The following COP1 variants were observed in gnomAD, a reference collection of about 807,000 sequenced individuals.
The protein encoded by COP1 is E3 ubiquitin-protein ligase COP1.
Under a neutral mutation model 101.3 loss-of-function variants are expected in COP1, and 24 were observed. The observed-to-expected ratio is 0.24, with a 90% CI of 0.17 to 0.33. The LOEUF is 0.33. COP1 is among the 10% of genes least tolerant of loss of function. The pLI, the probability that COP1 is intolerant of heterozygous loss-of-function variation, is 1.00. For synonymous variants in COP1, 347 were observed against 341.9 expected, an observed-to-expected ratio of 1.01 and a Z score of -0.17; for missense variants, 663 against 906.2, an observed-to-expected ratio of 0.73 and a Z score of 3.45.
chr1:176,177,655 C>A (rs976020255), intron 2 of COP1, among the ~76,000 whole-genome samples: 2 of 152,080 alleles, frequency 1.3e-5, no homozygotes, highest in Admixed American at 6.6e-5. Context: ...CTGTAAAAAT[C>A]ATTCCCACAG....
intron 15 of COP1, among the ~76,000 whole-genome samples, chr1:176,008,025 G>C (rs184196066): frequency 4.1e-4 from 62 of 152,302 alleles, no homozygotes; most frequent in Non-Finnish European, 7.9e-4. Context: ...CTCGGAGCCA[G>C]GTGCGGGATA....
At chr1:176,130,326 A>C (rs1688682770) in intron 8 of COP1, among the ~76,000 whole-genome samples, 1 of 151,798 alleles carries the variant, frequency 6.6e-6, no homozygotes, top group Non-Finnish European at 1.5e-5. Context: ...CCTCTTGATA[A>C]TAAGTAAAAG....
chr1:176,005,267 T>C (rs1388312916), intron 15 of COP1, among the ~76,000 whole-genome samples: 1 of 152,118 alleles, frequency 6.6e-6, no homozygotes, highest in Admixed American at 6.5e-5. Context: ...GTCTTGCTAG[T>C]GGTCTATCAA....
At chr1:176,056,634 G>A (rs757817436) in intron 11 of COP1, among the ~76,000 whole-genome samples, 2 of 151,914 alleles carry the variant, frequency 1.3e-5, no homozygotes, top group Non-Finnish European at 2.9e-5. Context: ...ACTGATTTGT[G>A]GTTTATGTTA....
intron 1 of COP1, among the ~76,000 whole-genome samples, chr1:176,187,325 C>CATATACACATATATACACACATAT (rs1210635665): frequency 6.6e-6 from 1 of 152,070 alleles, no homozygotes; most frequent in East Asian, 1.9e-4. Flanking sequence ...TATACACACA[C>CATATACACATATATACACACATAT]ATATACACAT....
intron 14 of COP1, among the ~76,000 whole-genome samples, chr1:176,034,197 C>T (rs913917051): frequency 2.0e-5 from 3 of 152,142 alleles, no homozygotes; most frequent in African/African-American, 7.2e-5. Flanking sequence ...CATTTTTCCC[C>T]CTCTCTTCTC....
At chr1:176,187,418 T>C (rs1374641292) in intron 1 of COP1, among the ~76,000 whole-genome samples, 1 of 151,986 alleles carries the variant, frequency 6.6e-6, no homozygotes, top group Non-Finnish European at 1.5e-5. Context: ...TGTGTGTGTG[T>C]GTGTGTGTGT....
intron 11 of COP1, among the ~76,000 whole-genome samples, chr1:176,070,354 T>C (rs1676751282): frequency 6.8e-6 from 1 of 147,738 alleles, no homozygotes; most frequent in Non-Finnish European, 1.5e-5. Context: ...TTTTTTTAAC[T>C]TTTTTTTTTA....
chr1:176,016,870 C>T (rs1665756067), intron 15 of COP1, among the ~76,000 whole-genome samples: 1 of 152,000 alleles, frequency 6.6e-6, no homozygotes, highest in African/African-American at 2.4e-5. Flanking sequence ...AAAGAAACTG[C>T]CAGTCTAGGA....
chr1:176,191,268 T>C (rs1214098640), intron 1 of COP1, among the ~76,000 whole-genome samples: 2 of 151,934 alleles, frequency 1.3e-5, no homozygotes, highest in Admixed American at 1.3e-4. Flanking sequence ...TGCTATAATC[T>C]CAGAAGAGTA....
At chr1:176,198,948 C>A (rs1699998926) in intron 1 of COP1, among the ~76,000 whole-genome samples, 1 of 152,064 alleles carries the variant, frequency 6.6e-6, no homozygotes, top group Admixed American at 6.5e-5. Flanking sequence ...GGATGTGAAA[C>A]AATTAAAAAC....
At chr1:176,117,157 G>T (rs955373380) in intron 8 of COP1, among the ~76,000 whole-genome samples, 1 of 152,178 alleles carries the variant, frequency 6.6e-6, no homozygotes, top group Non-Finnish European at 1.5e-5. Flanking sequence ...AAAATGAGGT[G>T]ATGTAGGCTA....
At chr1:176,183,202 A>G (rs1698006248) in intron 2 of COP1, among the ~76,000 whole-genome samples, 1 of 152,240 alleles carries the variant, frequency 6.6e-6, no homozygotes. Flanking sequence ...GATCTTACAG[A>G]CTAGTGTTAA....
Position 176,087,529 on chromosome 1 carries a change from G to A in COP1, c.1027-1639C>T, listed in dbSNP as rs184331907. On this transcript the variant is annotated intron_variant, in intron 9 of 19. Coordinates refer to ENST00000367669, the MANE Select transcript of COP1 (RefSeq NM_022457.7). ...GTGATCATCATCATTGGCCATCAGA[G>A]AAATGCAAATCAAAACCACAATGAG... Among the ~76,000 whole-genome samples, 31 of 152,320 alleles carry A rather than the reference G, an allele frequency of 2.0e-4. No individual in the cohort carries two copies. The East Asian group carries it at 5.8e-3, about 28-fold the overall frequency.
At chr1:176,081,358 C>G in intron 10 of COP1, 71 bp from the exon 11 acceptor site, 1 of 1,219,096 alleles carries the variant, frequency 8.2e-7, no homozygotes. Context: ...GAGCCACATC[C>G]ACAAATTAAA....
At chr1:176,137,758 G>A (rs1572463104) in intron 6 of COP1, among the ~76,000 whole-genome samples, 1 of 152,054 alleles carries the variant, frequency 6.6e-6, no homozygotes, top group Non-Finnish European at 1.5e-5. Flanking sequence ...AGGGCAAACA[G>A]GGTTTTTTAT....
rs973288127 is a variant in COP1, at chr1:176,105,681, T to C, written c.1026+10943A>G. Among the ~76,000 whole-genome samples the C allele has an allele frequency of 2.6e-5, 4 of 152,196 alleles. No homozygotes were observed. The East Asian group carries it at 5.8e-4, about 22-fold the overall frequency. ...TGACCACTGACCCTTGCCTATGCTA[T>C]AGAATATATTAACTAAAGATAAATA... is the stretch of plus-strand genomic sequence containing the variant. On this transcript the variant is annotated intron_variant, in intron 9 of 19. Transcript: ENST00000367669.
chr1:176,118,631 C>CT (rs1686600344), intron 8 of COP1, among the ~76,000 whole-genome samples: 1 of 152,084 alleles, frequency 6.6e-6, no homozygotes, highest in South Asian at 2.1e-4. Flanking sequence ...TGGTGGACGC[C>CT]TGGGGTTCCA....
chr1:175,988,459 A>G, intron 16 of COP1, 47 bp from the exon 17 acceptor site: 1 of 1,526,224 alleles, frequency 6.6e-7, no homozygotes, highest in Non-Finnish European at 8.9e-7. Flanking sequence ...ATTTCTTGGC[A>G]CGAAACTCAT....
Sources: allele counts gnomAD v4.1 joint callset (sites outside exome capture counted in the v4.1 genomes callset), GRCh38; gene constraint gnomAD v4.1.1; transcripts MANE v1.5; gene names NCBI Gene and HGNC (gene_info 2026-07-23, HGNC 2026-07-21).